The following AP3D1 variants were observed in gnomAD, a reference collection of about 807,000 sequenced individuals.
AP3D1 encodes the protein adaptor related protein complex 3 subunit delta 1.
In AP3D1, 51 loss-of-function variants were observed where a neutral mutation model predicts 147.6. That is an observed-to-expected ratio of 0.35 (90% CI 0.28 to 0.44). AP3D1 has a LOEUF of 0.44. AP3D1 is among the 20% of genes least tolerant of loss of function. AP3D1 has a pLI of 1.00. For missense variants in AP3D1, 1,421 were observed against 1,624.2 expected, an observed-to-expected ratio of 0.87 and a Z score of 2.15; for synonymous variants, 760 against 663.0, an observed-to-expected ratio of 1.15 and a Z score of -2.25.
At chr19:2,161,370 C>G (rs1477363491) in intron 1 of AP3D1, among the ~76,000 whole-genome samples, 2 of 151,776 alleles carry the variant, frequency 1.3e-5, no homozygotes, top group Non-Finnish European at 2.9e-5. Flanking sequence ...CCATGTTGGC[C>G]AGGCTGGTCT....
At chr19:2,129,509 C>G in intron 6 of AP3D1, 52 bp from the exon 7 acceptor site, 1 of 1,580,068 alleles carries the variant, frequency 6.3e-7, no homozygotes, top group Non-Finnish European at 8.6e-7. Flanking sequence ...CCTAGAAAAC[C>G]ATCCTACTGT....
chr19:2,151,218 C>T, intron 1 of AP3D1, 21 bp downstream of exon 1: 1 of 1,605,186 alleles, frequency 6.2e-7, no homozygotes, highest in Middle Eastern at 1.7e-4. Flanking sequence ...GCCGAGCAGC[C>T]CCTTGGCGCG....
At chr19:2,121,425 T>C (rs901753870) in intron 12 of AP3D1, 114 bp from the exon 13 acceptor site, 9 of 1,357,654 alleles carry the variant, frequency 6.6e-6, no homozygotes, top group Non-Finnish European at 1.0e-6. Flanking sequence ...CGGACCCGGA[T>C]TCACAGATCG....
intron 14 of AP3D1, among the ~76,000 whole-genome samples, chr19:2,119,455 A>T (rs963209953): frequency 1.3e-4 from 20 of 151,994 alleles, no homozygotes; most frequent in Non-Finnish European, 2.4e-4. Flanking sequence ...GCACTTTGGG[A>T]CGCCGAGGCG....
At chr19:2,135,713 C>A (rs954746334) in intron 4 of AP3D1, among the ~76,000 whole-genome samples, 15 of 152,164 alleles carry the variant, frequency 9.9e-5, no homozygotes, top group African/African-American at 2.7e-4. Context: ...GTCTAACAGC[C>A]CTGAGCACCT....
At chr19:2,152,758 C>G (rs2019577106), upstream of AP3D1, among the ~76,000 whole-genome samples, 1 of 151,080 alleles carries the variant, frequency 6.6e-6, no homozygotes, top group Non-Finnish European at 1.5e-5. Flanking sequence ...CACCTGTAAT[C>G]CCAGCTACTT....
chr19:2,103,567 C>T (rs1038187163), intron 31 of AP3D1, among the ~76,000 whole-genome samples: 2 of 152,204 alleles, frequency 1.3e-5, no homozygotes, highest in African/African-American at 4.8e-5. Flanking sequence ...GATCCCGTTC[C>T]AAAGAGCAAC....
At chr19:2,106,565 A>T (rs960924885) in intron 31 of AP3D1, among the ~76,000 whole-genome samples, 4 of 152,140 alleles carry the variant, frequency 2.6e-5, no homozygotes, top group African/African-American at 7.2e-5. Flanking sequence ...AAAAATAAAA[A>T]AAAACAAAAG....
chr19:2,144,930 CAA>C (rs893295935), intron 1 of AP3D1, among the ~76,000 whole-genome samples: 1 of 151,976 alleles, frequency 6.6e-6, no homozygotes, highest in Non-Finnish European at 1.5e-5. Flanking sequence ...ACAAACAAAA[CAA>C]AAACGCTTCT....
intron 4 of AP3D1, among the ~76,000 whole-genome samples, chr19:2,135,148 C>A (rs992250778): frequency 1.3e-5 from 2 of 152,068 alleles, no homozygotes; most frequent in African/African-American, 2.4e-5. Context: ...TTGCAGTGAG[C>A]CAAGATCACG....
intron 24 of AP3D1, chr19:2,112,029 GT>G: frequency 3.7e-6 from 3 of 817,960 alleles, no homozygotes; most frequent in Non-Finnish European, 5.6e-6. Flanking sequence ...GCCGTCTCTG[GT>G]TGGCGGCAAG....
intron 1 of AP3D1, among the ~76,000 whole-genome samples, chr19:2,163,982 C>A (rs1471488155): frequency 1.3e-5 from 2 of 149,706 alleles, no homozygotes; most frequent in African/African-American, 4.8e-5. Context: ...CTGGAGGCCC[C>A]GGGCCTGTGA....
intron 21 of AP3D1, 147 bp from the exon 22 acceptor site, chr19:2,114,449 A>C: frequency 1.4e-6 from 1 of 725,130 alleles, no homozygotes; most frequent in Non-Finnish European, 2.3e-6. Context: ...GATCTACTCA[A>C]CACAGCCTGC....
At chr19:2,111,363 G>A in intron 25 of AP3D1, 31 bp from the exon 26 acceptor site, 1 of 1,613,552 alleles carries the variant, frequency 6.2e-7, no homozygotes, top group Non-Finnish European at 8.5e-7. Flanking sequence ...TCAGCCTTGG[G>A]GGCCCCGAGC....
At chr19:2,112,328 G>A (rs1267071524) in intron 24 of AP3D1, 13 of 179,964 alleles carry the variant, frequency 7.2e-5, no homozygotes, top group East Asian at 1.6e-4. Context: ...AACATGACCC[G>A]GCCACGAACA....
In AP3D1 at chr19:2,123,886, C is replaced by T. The variant is rs760707858; in HGVS notation, c.857-7G>A. On this transcript the variant is annotated splice_polypyrimidine_tract_variant and splice_region_variant and intron_variant, in intron 9 of 31. Transcript: ENST00000643116. ...GAGGACAGCGAGATGAGCACTGCAA[C>T]AGACAGCTTGGTCAGCACCACGGTC... 6.4e-7 allele frequency: 1 copy of T among 1,572,898 alleles called. No homozygotes were observed. The highest frequency in any genetic ancestry group is 1.2e-5 in the South Asian group (1 of 85,812).
intron 1 of AP3D1, among the ~76,000 whole-genome samples, chr19:2,149,553 A>C (rs563744247): frequency 4.6e-5 from 7 of 151,972 alleles, no homozygotes; most frequent in Admixed American, 2.0e-4. Context: ...CAAAAAAAAA[A>C]AAAAAAAGTT....
chr19:2,113,410 C>G lies in AP3D1; in HGVS notation c.2605G>C (p.Glu869Gln). The G allele has an allele frequency of 6.8e-7, 1 of 1,469,508 alleles. No homozygotes were observed. Among genetic ancestry groups the G allele is most frequent in the South Asian group, 1.4e-5 (1 of 70,384 alleles). 91.0% of individuals were successfully genotyped at this position (1,469,508 alleles called of 1,614,324 possible). A position where few individuals can be genotyped will look rare whatever the true frequency, so the allele number is the denominator to read the frequency against. Residue 869 changes from glutamate (E) to glutamine (Q), a missense_variant, in exon 23 of 32, where the codon GAG becomes CAG. Glu to Gln is a conservative substitution (Grantham distance 29). This residue lies in a region of AP3D1 where 791 missense variants were observed against 761.4 expected (regional missense o/e 1.04). Coordinates refer to ENST00000643116, the MANE Select transcript of AP3D1 (RefSeq NM_001261826.3). ...GTAGACAGCCAGAAGTCCAGGTCCT[C>G]AGCCTGAAACCACAAGACAGGCTGT... ...EKKKEKEKKA[E>Q]DLDFWLSTTP...
At chr19:2,161,943 CAATA>C (rs200473884) in intron 1 of AP3D1, among the ~76,000 whole-genome samples, 4 of 148,148 alleles carry the variant, frequency 2.7e-5, no homozygotes, top group Admixed American at 6.7e-5. Context: ...AAGACTATGT[CAATA>C]AATAAATAAA....
Sources: gnomAD v4.1 joint callset for allele counts (sites outside exome capture counted in the v4.1 genomes callset) on GRCh38, gnomAD v4.1.1 for gene constraint, gnomAD v4.1.1 regional missense constraint, MANE v1.5 for transcripts, NCBI Gene and HGNC (gene_info 2026-07-23, HGNC 2026-07-21) for gene names.